ABI3BP: variants seen among roughly 807,000 people sequenced by gnomAD.
ABI3BP encodes the protein ABI family member 3 binding protein.
In ABI3BP, 216 loss-of-function variants were observed where a neutral mutation model predicts 268.6. That is an observed-to-expected ratio of 0.80 (90% confidence interval 0.72 to 0.90). The LOEUF (loss-of-function observed/expected upper bound fraction) is 0.90. Ranked by LOEUF, ABI3BP falls within the 40% of genes least tolerant of loss-of-function variation. The probability of loss-of-function intolerance (pLI) is 0.00; values close to 1 mark genes in which losing one functional copy is unlikely to be tolerated. For missense variants in ABI3BP, 2,090 were observed against 2,182.4 expected, an observed-to-expected ratio of 0.96 and a Z score of 0.84; for synonymous variants, 730 against 730.0, an observed-to-expected ratio of 1.00 and a Z score of 0.00.
intron 53 of ABI3BP, 78 bp from the exon 54 acceptor site, chr3:100,795,081 T>C: frequency 1.1e-6 from 1 of 876,126 alleles, no homozygotes; most frequent in Admixed American, 3.7e-5. Flanking sequence ...TTACATGAAA[T>C]TCCTTCATTT....
chr3:100,918,512 C>A (rs550291653), intron 2 of ABI3BP, among the ~76,000 whole-genome samples: 1 of 152,096 alleles, frequency 6.6e-6, no homozygotes, highest in South Asian at 2.1e-4. Context: ...AATTGATTAA[C>A]CTTAAGAATG....
Position 100,847,608 on chromosome 3 carries a change from T to C in ABI3BP, c.1642A>G (p.Thr548Ala), listed in dbSNP as rs778719617. Reference protein sequence around the residue: ...ISKSPEPTWTTPAPGKTQFIS... With the variant: ...ISKSPEPTWTAPAPGKTQFIS... ...AAGGACATATCATTATTACCCGGTG[T>C]TGTCCATGTAGGTTCAGGGCTTTTA... The change falls in exon 19 of 68, where the codon ACA (threonine) becomes GCA (alanine). Residue 548 changes from threonine (T) to alanine (A), a missense_variant. Physicochemically the swap from Thr to Ala is moderately conservative, Grantham distance 58 (BLOSUM62 0). Transcript: ENST00000471714. The C allele has an allele frequency of 5.6e-6, 9 of 1,611,140 alleles. No individual in the cohort carries two copies. The East Asian group carries it at 1.8e-4, about 32-fold the overall frequency.
chr3:100,822,882 A>G (rs945256265), intron 37 of ABI3BP, among the ~76,000 whole-genome samples: 4 of 152,188 alleles, frequency 2.6e-5, no homozygotes, highest in African/African-American at 9.7e-5. Context: ...TAAAGATTAG[A>G]AATTTTAATG....
At chr3:100,983,549 C>T (rs545538957) in intron 1 of ABI3BP, among the ~76,000 whole-genome samples, 2 of 152,258 alleles carry the variant, frequency 1.3e-5, no homozygotes, top group South Asian at 4.1e-4. Context: ...CATGGCAACA[C>T]AGTGGGATAG....
chr3:100,898,773 A>G lies in ABI3BP; in HGVS notation c.450T>C (p.Cys150=), dbSNP rs770010920. The G allele has an allele frequency of 6.2e-7, 1 of 1,613,252 alleles. No individual in the cohort carries two copies. Among genetic ancestry groups the G allele is most frequent in the African/African-American group, 1.3e-5 (1 of 74,912 alleles). ...AATGCTAATATTACCTGTCATTGGG[A>G]CAGTGACTTGGCAATGTCCAGTCAT... ...PHHDWTLPSH[C]PNDRFYTIRY... is the part of the protein sequence containing the mutation. Residue 150 remains cysteine (C), a synonymous_variant, in exon 4 of 68, where the codon TGT becomes TGC. Transcript: ENST00000471714.
chr3:100,855,138 G>T (rs1226345056), intron 14 of ABI3BP, among the ~76,000 whole-genome samples: 9 of 152,162 alleles, frequency 5.9e-5, no homozygotes, highest in Non-Finnish European at 8.8e-5. Flanking sequence ...ATGTTGGCCA[G>T]GCTGGCTTCA....
chr3:100,848,814 T>C lies in ABI3BP; in HGVS notation c.1563A>G (p.Pro521=), dbSNP rs1242898965. The part of the protein sequence containing the change: ...TPKRRPRPKP[P]RTKPERTTSA... ...AGAGACATTTACCAGGTTTGGTTCTTGGCGGTTTGGGCCGGGGGCGTCGTT... is the reference window on the plus strand; with the variant it reads ...AGAGACATTTACCAGGTTTGGTTCTCGGCGGTTTGGGCCGGGGGCGTCGTT... The change falls in exon 18 of 68, where the codon CCA becomes CCG. Residue 521 remains proline (P), a synonymous_variant. Transcript: ENST00000471714. 2 of 1,613,198 alleles carry C rather than the reference T, an allele frequency of 1.2e-6. No homozygotes were observed.
intron 50 of ABI3BP, among the ~76,000 whole-genome samples, chr3:100,807,050 T>C (rs1416751636): frequency 6.6e-6 from 1 of 152,032 alleles, no homozygotes; most frequent in African/African-American, 2.4e-5. Context: ...TTAGTATTTT[T>C]CATCTTTTAT....
At chr3:100,959,043 A>T (rs2077858556) in intron 1 of ABI3BP, among the ~76,000 whole-genome samples, 1 of 152,152 alleles carries the variant, frequency 6.6e-6, no homozygotes, top group South Asian at 2.1e-4. Context: ...TCCAGGGCAT[A>T]GGTGAAGATC....
At chr3:100,974,948 G>A (rs899765228) in intron 1 of ABI3BP, among the ~76,000 whole-genome samples, 1 of 152,142 alleles carries the variant, frequency 6.6e-6, no homozygotes, top group African/African-American at 2.4e-5. Context: ...TGTTTGAGAT[G>A]TTCTCTCTGT....
chr3:100,867,020 C>G, intron 9 of ABI3BP, 64 bp from the exon 10 acceptor site: 1 of 1,240,774 alleles, frequency 8.1e-7, no homozygotes, highest in Non-Finnish European at 1.2e-6. Flanking sequence ...TCCCTCAATG[C>G]ATAATCAAGT....
In ABI3BP at chr3:100,780,223, T is replaced by A; in HGVS notation, c.4163-14A>T. ...CTTGCTTGACCCCTATGAGCAGAGA[T>A]AATGAAAGGGAATAAACATATAGCA... On this transcript the variant is annotated splice_polypyrimidine_tract_variant and intron_variant, in intron 57 of 67. Transcript: ENST00000471714. 1 of 1,610,034 alleles carries A rather than the reference T, an allele frequency of 6.2e-7. No individual in the cohort carries two copies. The highest frequency in any genetic ancestry group is 8.5e-7 in the Non-Finnish European group (1 of 1,177,800).
At chr3:100,827,572 TA>T (rs940244611) in intron 34 of ABI3BP, among the ~76,000 whole-genome samples, 1 of 151,928 alleles carries the variant, frequency 6.6e-6, no homozygotes, top group Non-Finnish European at 1.5e-5. Flanking sequence ...ATCATAGACT[TA>T]AAAAAAATCT....
intron 1 of ABI3BP, among the ~76,000 whole-genome samples, chr3:100,974,966 A>G (rs1485138820): frequency 6.6e-6 from 1 of 152,216 alleles, no homozygotes; most frequent in Non-Finnish European, 1.5e-5. Context: ...TGTAAGAGAC[A>G]GCAAGCAAGT....
chr3:100,795,915 G>T (rs1219964641), intron 52 of ABI3BP, 64 bp from the exon 53 acceptor site: 2 of 1,162,550 alleles, frequency 1.7e-6, no homozygotes, highest in Non-Finnish European at 2.2e-6. Context: ...AGTCAAAATA[G>T]TTTCCTTATT....
chr3:100,812,549 A>C, intron 45 of ABI3BP, 26 bp from the exon 46 acceptor site: 1 of 1,301,600 alleles, frequency 7.7e-7, no homozygotes, highest in Non-Finnish European at 9.8e-7. Flanking sequence ...AAATGGTACA[A>C]TTGATAAAGG....
chr3:100,946,019 C>T (rs1042312952), intron 1 of ABI3BP, among the ~76,000 whole-genome samples: 4 of 152,050 alleles, frequency 2.6e-5, no homozygotes, highest in African/African-American at 4.8e-5. Context: ...ACTAAATATA[C>T]GTTAGATAAT....
chr3:100,792,651 T>A, intron 55 of ABI3BP, 40 bp downstream of exon 55: 1 of 1,583,420 alleles, frequency 6.3e-7, no homozygotes, highest in Non-Finnish European at 8.7e-7. Flanking sequence ...TAAAAGCAAA[T>A]AAGGAAAAGT....
chr3:100,821,268 T>C (rs2098214021), intron 38 of ABI3BP, among the ~76,000 whole-genome samples, 155 bp from the exon 39 acceptor site: 1 of 152,230 alleles, frequency 6.6e-6, no homozygotes, highest in African/African-American at 2.4e-5. Context: ...AGACAGTTGA[T>C]TTCCTAAAAT....
Sources: allele counts gnomAD v4.1 joint callset (sites outside exome capture counted in the v4.1 genomes callset), GRCh38; gene constraint gnomAD v4.1.1; transcripts MANE v1.5; gene names NCBI Gene and HGNC (gene_info 2026-07-23, HGNC 2026-07-21).